The following WWP1 variants were observed in gnomAD, a reference collection of about 807,000 sequenced individuals.
WWP1 encodes NEDD4-like E3 ubiquitin-protein ligase WWP1.
In WWP1, 49 loss-of-function variants were observed where a neutral mutation model predicts 130.6. The ratio of observed to expected loss-of-function variants is 0.38; its 90% CI spans 0.30 to 0.48. The LOEUF (loss-of-function observed/expected upper bound fraction) is 0.48. WWP1 is among the 20% of genes least tolerant of loss of function. The probability of loss-of-function intolerance (pLI) is 0.99; values close to 1 mark genes in which losing one functional copy is unlikely to be tolerated. For synonymous variants in WWP1, 332 were observed against 367.8 expected (o/e 0.90, Z 1.11); for missense variants, 809 against 1,100.6 (o/e 0.74, Z 3.75).
chr8:86,458,673 C>G (rs558732605), intron 22 of WWP1, among the ~76,000 whole-genome samples: 10 of 152,246 alleles, frequency 6.6e-5, no homozygotes, highest in African/African-American at 2.2e-4. Flanking sequence ...AGTGACTGGA[C>G]TTCTGGCTTA....
intron 21 of WWP1, among the ~76,000 whole-genome samples, chr8:86,456,516 A>AT (rs773909515): frequency 3.6e-4 from 54 of 152,100 alleles, no homozygotes; most frequent in Non-Finnish European, 7.5e-4. Flanking sequence ...AATGCAAATC[A>AT]AAGCACCACT....
rs1351874062 is a variant in WWP1 at position 86,456,782 on chromosome 8, A to G, written c.2395-1139A>G. Among the ~76,000 whole-genome samples the G allele has an allele frequency of 5.3e-5, 8 of 152,000 alleles. 1 individual carries two copies. Among genetic ancestry groups the G allele is most frequent in the Admixed American group, 4.6e-4 (7 of 15,252 alleles). ...TATTCAGTGATAGAAAATATGAACT[A>G]CTGGTTCCAACAACAGCATGGATGA... On this transcript the variant is annotated intron_variant, in intron 21 of 24. Coordinates refer to ENST00000517970, the MANE Select transcript of WWP1 (RefSeq NM_007013.4).
chr8:86,427,761 C>T lies in WWP1; in HGVS notation c.1276C>T (p.Gln426Ter). ...CCGAAATTTTGAACAGTGGCAATCT[C>T]AGCGGAACCAATTGCAGGGAGCTAT... ...SVRNFEQWQS[Q>*]RNQLQGAMQQ... Residue 426 changes from glutamine (Q) to a stop codon, truncating the protein, a stop_gained, in exon 11 of 25, where the codon CAG becomes TAG. Transcript: ENST00000517970. LOFTEE classifies it high-confidence loss of function. The T allele has an allele frequency of 6.2e-7, 1 of 1,613,890 alleles. No homozygotes were observed. Among genetic ancestry groups the T allele is most frequent in the Non-Finnish European group, 8.5e-7 (1 of 1,179,884 alleles).
intron 7 of WWP1, 110 bp from the exon 8 acceptor site, chr8:86,401,909 A>T: frequency 8.8e-7 from 1 of 1,138,258 alleles, no homozygotes; most frequent in Non-Finnish European, 1.2e-6. Context: ...ATTTTAAAAA[A>T]GAAATAACAA....
At chr8:86,426,580 G>T (rs1448091566) in intron 10 of WWP1, among the ~76,000 whole-genome samples, 1 of 152,150 alleles carries the variant, frequency 6.6e-6, no homozygotes, top group Non-Finnish European at 1.5e-5. Context: ...CTTGGAACCA[G>T]CAAATAGTTG....
At chr8:86,444,965 T>C (rs1810779498) in intron 18 of WWP1, among the ~76,000 whole-genome samples, 1 of 152,116 alleles carries the variant, frequency 6.6e-6, no homozygotes, top group African/African-American at 2.4e-5. Flanking sequence ...CTGTGCAGGC[T>C]GTACAAGAAG....
rs555585296 is a variant in WWP1, at chr8:86,370,855, C to CTTTTTT, written c.-22+1847_-22+1852dup. Among the ~76,000 whole-genome samples, 189 of 44,886 alleles carry CTTTTTT rather than the reference C, an allele frequency of 4.2e-3. 49 individuals carry two copies. The highest frequency in any genetic ancestry group is 0.014 in the African/African-American group (136 of 9,652). 29.4% of individuals were successfully genotyped at this position (44,886 alleles called of 152,430 possible). ...GGTATTGCTTATAGCTATATTCATT[C>CTTTTTT]TTTTTTTTTTTTTTTTTTTTTTTTT... On this transcript the variant is annotated intron_variant, in intron 2 of 24. Coordinates refer to ENST00000517970, the MANE Select transcript of WWP1 (RefSeq NM_007013.4).
At chr8:86,344,339 G>A (rs1362680034) in intron 1 of WWP1, among the ~76,000 whole-genome samples, 1 of 152,186 alleles carries the variant, frequency 6.6e-6, no homozygotes, top group Non-Finnish European at 1.5e-5. Flanking sequence ...ATGAGCTACC[G>A]GCATAATACA....
intron 8 of WWP1, among the ~76,000 whole-genome samples, chr8:86,403,202 C>G (rs1254908204): frequency 1.3e-5 from 2 of 152,116 alleles, no homozygotes; most frequent in Admixed American, 1.3e-4. Context: ...GTATGTTCCT[C>G]CCTGTGTTTG....
chr8:86,462,509 A>G (rs549440193), intron 24 of WWP1, among the ~76,000 whole-genome samples: 1 of 152,326 alleles, frequency 6.6e-6, no homozygotes, highest in South Asian at 2.1e-4. Flanking sequence ...TAGGCTAATT[A>G]AAGAACTGAG....
intron 9 of WWP1, among the ~76,000 whole-genome samples, chr8:86,414,435 G>A (rs995131228): frequency 6.6e-6 from 1 of 152,172 alleles, no homozygotes; most frequent in South Asian, 2.1e-4. Flanking sequence ...GACATAAGAT[G>A]GGTCTTGATA....
At chr8:86,343,714 A>G (rs571321849) in intron 1 of WWP1, among the ~76,000 whole-genome samples, 6 of 152,096 alleles carry the variant, frequency 3.9e-5, no homozygotes, top group African/African-American at 1.4e-4. Context: ...GTCTGTTATA[A>G]TTTTGACATT....
chr8:86,359,821 G>A (rs1586253253), intron 1 of WWP1, among the ~76,000 whole-genome samples: 1 of 152,132 alleles, frequency 6.6e-6, no homozygotes, highest in South Asian at 2.1e-4. Context: ...AGGCGGAGGC[G>A]GGCGGATCAC....
At chr8:86,366,982 AG>A (rs1189424780) in intron 1 of WWP1, among the ~76,000 whole-genome samples, 1 of 152,108 alleles carries the variant, frequency 6.6e-6, no homozygotes, top group East Asian at 1.9e-4. Context: ...TGCTCTATTG[AG>A]GGGGGAGACT....
chr8:86,392,150 A>G (rs1233563145), intron 5 of WWP1, among the ~76,000 whole-genome samples: 1 of 152,136 alleles, frequency 6.6e-6, no homozygotes, highest in South Asian at 2.1e-4. Flanking sequence ...CAATGGTGGT[A>G]GTGGTGCTGG....
chr8:86,408,705 C>G (rs1156729384), intron 8 of WWP1, among the ~76,000 whole-genome samples: 1 of 152,156 alleles, frequency 6.6e-6, no homozygotes, highest in Non-Finnish European at 1.5e-5. Flanking sequence ...CACTTGAGGT[C>G]AGGAGTTCGA....
intron 21 of WWP1, among the ~76,000 whole-genome samples, chr8:86,454,110 C>T (rs903915985): frequency 6.6e-6 from 1 of 151,998 alleles, no homozygotes; most frequent in Admixed American, 6.6e-5. Context: ...CTGTAGGGCA[C>T]CTGTGGACAC....
chr8:86,436,810 C>G (rs952875429), intron 16 of WWP1, among the ~76,000 whole-genome samples: 3 of 152,182 alleles, frequency 2.0e-5, no homozygotes, highest in African/African-American at 7.2e-5. Flanking sequence ...ATGCTGTGTA[C>G]TCAGGCATAC....
chr8:86,414,890 T>TCTCCCCCCCCCCC (rs1808801206), intron 9 of WWP1, among the ~76,000 whole-genome samples: 1 of 94,814 alleles, frequency 1.1e-5, no homozygotes, highest in Non-Finnish European at 2.0e-5. Flanking sequence ...CCCCCCCCCA[T>TCTCCCCCCCCCCC]CCCCCCACCC....
Sources: allele counts gnomAD v4.1 joint callset (sites outside exome capture counted in the v4.1 genomes callset), GRCh38; gene constraint gnomAD v4.1.1; transcripts MANE v1.5; gene names NCBI Gene and HGNC (gene_info 2026-07-23, HGNC 2026-07-21).